TMEM200C: variants seen among roughly 807,000 people sequenced by gnomAD.
TMEM200C encodes the protein transmembrane protein 200C.
For synonymous variants in TMEM200C, 462 were observed against 324.7 expected (o/e 1.42, Z -4.55); for missense variants, 966 against 699.9 (o/e 1.38, Z -4.29).
intron 2 of TMEM200C, among the ~76,000 whole-genome samples, chr18:5,893,323 A>G (rs2095173005): frequency 6.6e-6 from 1 of 152,136 alleles, no homozygotes; most frequent in Non-Finnish European, 1.5e-5. Context: ...TCCCTTTCTC[A>G]TGAGGTCATT....
rs1275620261 is a variant in TMEM200C, at chr18:5,891,319, C to T, written c.745G>A (p.Gly249Ser). 13 of 1,402,356 alleles carry T rather than the reference C, an allele frequency of 9.3e-6. No individual in the cohort carries two copies. Among genetic ancestry groups the T allele is most frequent in the African/African-American group, 1.5e-5 (1 of 66,200 alleles). 86.9% of individuals were successfully genotyped at this position (1,402,356 alleles called of 1,614,324 possible). A position where few individuals can be genotyped will look rare whatever the true frequency, so the allele number is the denominator to read the frequency against. ...CGCGACTGCACGTAGCTGAGGAAGCCGTTGAGCGGTATGGCCCCGGGGGGC... is the reference window on the plus strand; with the variant it reads ...CGCGACTGCACGTAGCTGAGGAAGCTGTTGAGCGGTATGGCCCCGGGGGGC... The change falls in exon 3 of 3, where the codon GGC (glycine) becomes AGC (serine). Residue 249 changes from glycine to serine, a missense_variant. Gly to Ser is a moderately conservative substitution (Grantham distance 56). Coordinates refer to ENST00000581347, the Ensembl canonical transcript of TMEM200C. The surrounding 1 kb of genome is among the most constrained non-coding windows in gnomAD (Gnocchi z 4.7).
At chr18:5,885,279 T>C (rs1222039981) in exon 3 of TMEM200C, 1 of 152,146 alleles carries the variant, frequency 6.6e-6, no homozygotes, top group Non-Finnish European at 1.5e-5. Context: ...TTGGTCACAA[T>C]GTAGGATCAG....
At chr18:5,893,826 G>A (rs915689706) in intron 2 of TMEM200C, among the ~76,000 whole-genome samples, 2 of 152,150 alleles carry the variant, frequency 1.3e-5, no homozygotes, top group Non-Finnish European at 1.5e-5. Flanking sequence ...TCAGTAAAGA[G>A]AAGCACCAGG....
rs769172603 is a variant in TMEM200C, at chr18:5,891,790, C to A, written c.274G>T (p.Ala92Ser). The A allele has an allele frequency of 6.2e-7, 1 of 1,606,794 alleles. No homozygotes were observed. The highest frequency in any genetic ancestry group is 8.5e-7 in the Non-Finnish European group (1 of 1,178,360). Residue 92 changes from alanine to serine, a missense_variant, in exon 3 of 3, where the codon GCG becomes TCG. Transcript: ENST00000581347. This position sits in a 1 kb window ranked among gnomAD's most constrained non-coding sequence, Gnocchi z 4.7. ...GTTGGGACCCGGTGGCTGCTGCCCG[C>A]AGGCGGCAGCTGCTTACCCCCCTCC...
In TMEM200C at chr18:5,891,807, C is replaced by G. The variant is rs776402292; in HGVS notation, c.257G>C (p.Gly86Ala). 14 of 1,604,222 alleles carry G rather than the reference C, an allele frequency of 8.7e-6. No homozygotes were observed. Among genetic ancestry groups the G allele is most frequent in the East Asian group, 2.2e-5 (1 of 44,800 alleles). Reference sequence around the variant, plus strand: ...GCTGCCCGCAGGCGGCAGCTGCTTACCCCCCTCCCGATTGGTCCCGGTGGC... The same window carrying G: ...GCTGCCCGCAGGCGGCAGCTGCTTAGCCCCCTCCCGATTGGTCCCGGTGGC... Residue 86 changes from glycine (G) to alanine (A), a missense_variant, in exon 3 of 3, where the codon GGT becomes GCT. Coordinates refer to ENST00000581347, the Ensembl canonical transcript of TMEM200C. The surrounding 1 kb of genome is among the most constrained non-coding windows in gnomAD (Gnocchi z 4.7).
At chr18:5,886,809 G>A (rs1317934778) in exon 3 of TMEM200C, 1 of 151,944 alleles carries the variant, frequency 6.6e-6, no homozygotes, top group African/African-American at 2.4e-5. Context: ...GTCACACTTT[G>A]AGCCACTATG....
At chr18:5,890,810 G>C (rs1213608498) in exon 3 of TMEM200C, 4 of 670,892 alleles carry the variant, frequency 6.0e-6, no homozygotes, top group Non-Finnish European at 1.1e-5. Flanking sequence ...TGCTCAGGTC[G>C]AGCTCGCCCC....
Position 5,891,194 on chromosome 18 carries a change from C to T in TMEM200C, c.870G>A (p.Ala290=), listed in dbSNP as rs2095170511. Residue 290 remains alanine, a synonymous_variant, in exon 3 of 3, where the codon GCG becomes GCA. Transcript: ENST00000581347. This position sits in a 1 kb window ranked among gnomAD's most constrained non-coding sequence, Gnocchi z 4.7. ...CGCCCCGAGGGCGGCCGCCGCTCGGCGCCGCGGGGTGAGGAGGCCACGAGC... is the reference window on the plus strand; with the variant it reads ...CGCCCCGAGGGCGGCCGCCGCTCGGTGCCGCGGGGTGAGGAGGCCACGAGC... 3 of 954,102 alleles carry T rather than the reference C, an allele frequency of 3.1e-6. No homozygotes were observed. Among genetic ancestry groups the T allele is most frequent in the South Asian group, 3.5e-5 (1 of 28,510 alleles). The allele number at this position is 954,102 out of a possible 1,614,324, so 59.1% of individuals were successfully genotyped here.
exon 3 of TMEM200C, chr18:5,882,618 A>G (rs1251241610): frequency 6.6e-6 from 1 of 152,128 alleles, no homozygotes; most frequent in Non-Finnish European, 1.5e-5. Flanking sequence ...TTTACTCTCT[A>G]TTTGAGAAGA....
chr18:5,887,573 C>T (rs2095166305), exon 3 of TMEM200C: 1 of 152,212 alleles, frequency 6.6e-6, no homozygotes, highest in African/African-American at 2.4e-5. Flanking sequence ...CATTTACCAG[C>T]TGTGTAACCC....
chr18:5,895,650 C>T (rs925382224), intron 1 of TMEM200C, among the ~76,000 whole-genome samples, 128 bp from the exon 1 acceptor site: 14 of 148,904 alleles, frequency 9.4e-5, no homozygotes, highest in Non-Finnish European at 1.6e-4. Flanking sequence ...TCCTCCGCCG[C>T]CCGCCGCCCG....
At chr18:5,882,112 G>T (rs959576073) in exon 3 of TMEM200C, 1 of 152,182 alleles carries the variant, frequency 6.6e-6, no homozygotes, top group Non-Finnish European at 1.5e-5. Context: ...TTTCAGGCAT[G>T]TCACATTTAT....
At chr18:5,888,471 A>AT (rs1262340298) in exon 3 of TMEM200C, 1 of 152,232 alleles carries the variant, frequency 6.6e-6, no homozygotes, top group Non-Finnish European at 1.5e-5. Flanking sequence ...ATATGATTAC[A>AT]TCCAGGACAA....
In TMEM200C at chr18:5,889,544, T is replaced by A. The variant is rs950043773; in HGVS notation, c.*654A>T. On this transcript the variant is annotated 3_prime_UTR_variant, in exon 3 of 3. Transcript: ENST00000581347. ...AAATTTCGGAATGTAACAGTCCATCTAGTTCCTGGTCCCCTCCAGTCTCCA... is the reference window on the plus strand; with the variant it reads ...AAATTTCGGAATGTAACAGTCCATCAAGTTCCTGGTCCCCTCCAGTCTCCA... The A allele has an allele frequency of 2.6e-5, 4 of 152,234 alleles. No individual in the cohort carries two copies. The East Asian group carries it at 7.7e-4, about 29-fold the overall frequency. The allele number at this position is 152,234 out of a possible 1,614,324, so 9.4% of individuals were successfully genotyped here.
exon 3 of TMEM200C, chr18:5,890,738 G>T: frequency 1.7e-6 from 1 of 574,092 alleles, no homozygotes; most frequent in Non-Finnish European, 3.1e-6. Context: ...CCGCGCCCTC[G>T]GGCTCCTCCG....
exon 3 of TMEM200C, chr18:5,890,180 C>G: frequency 6.6e-7 from 1 of 1,505,532 alleles, no homozygotes; most frequent in Non-Finnish European, 8.9e-7. Flanking sequence ...TTTCCTCCTC[C>G]CCAACCCACC....
exon 3 of TMEM200C, chr18:5,890,899 C>A (rs1178366679): frequency 2.9e-6 from 2 of 682,828 alleles, no homozygotes; most frequent in East Asian, 2.9e-5. Flanking sequence ...CCGCCCCTAT[C>A]GCGGCCCCCT....
exon 3 of TMEM200C, chr18:5,890,748 G>A (rs555678756): frequency 1.2e-5 from 7 of 595,028 alleles, no homozygotes; most frequent in African/African-American, 5.8e-5. Context: ...GGGCTCCTCC[G>A]GCTCCCGGCG....
rs376564426 is a variant in TMEM200C at position 5,890,212 on chromosome 18, T to C, written c.1852A>G (p.Ser618Gly). ...CACCCCTTTCTCTAAATGCCTGTGC[T>C]TTCCAGTTCTTCTTCTACCCCTATG... The change falls in exon 3 of 3, where the codon AGC becomes GGC. Residue 618 changes from serine to glycine, a missense_variant. Physicochemically the swap from Ser to Gly is moderately conservative, Grantham distance 56. Coordinates refer to ENST00000581347, the Ensembl canonical transcript of TMEM200C. 52 of 1,555,294 alleles carry C rather than the reference T, an allele frequency of 3.3e-5. No individual in the cohort carries two copies. The African/African-American group carries it at 6.4e-4, about 19-fold the overall frequency.
Sources: allele counts gnomAD v4.1 joint callset (sites outside exome capture counted in the v4.1 genomes callset), GRCh38; gene constraint gnomAD v4.1.1; non-coding constraint Gnocchi (gnomAD v3.1); transcripts MANE v1.5; gene names NCBI Gene and HGNC (gene_info 2026-07-23, HGNC 2026-07-21).